CDHR3: variants seen among roughly 807,000 people sequenced by gnomAD.
The protein encoded by CDHR3 is cadherin related family member 3.
CDHR3 carries 79 observed loss-of-function variants against 86.6 expected under a neutral mutation model. That is an observed-to-expected ratio of 0.91 (90% CI 0.76 to 1.10). The LOEUF (loss-of-function observed/expected upper bound fraction) is 1.10. CDHR3 is among the 50% of genes least tolerant of loss of function. CDHR3 has a pLI of 0.00. For missense variants in CDHR3, 1,081 were observed against 1,077.6 expected, an observed-to-expected ratio of 1.00 and a Z score of -0.04; for synonymous variants, 421 against 402.4, an observed-to-expected ratio of 1.05 and a Z score of -0.55.
intron 7 of CDHR3, 45 bp downstream of exon 7, chr7:106,001,655 C>T (rs766830263): frequency 3.1e-6 from 5 of 1,607,386 alleles, no homozygotes; most frequent in Non-Finnish European, 3.4e-6. Flanking sequence ...CTAATTCAGC[C>T]ATGTGGATTG....
At chr7:105,989,890 C>T (rs1299832421) in intron 4 of CDHR3, among the ~76,000 whole-genome samples, 1 of 152,186 alleles carries the variant, frequency 6.6e-6, no homozygotes, top group Non-Finnish European at 1.5e-5. Flanking sequence ...CCACCTGCCC[C>T]AGTCATTCAG....
chr7:106,019,578 G>A (rs1836230939), intron 12 of CDHR3, among the ~76,000 whole-genome samples: 1 of 152,078 alleles, frequency 6.6e-6, no homozygotes, highest in African/African-American at 2.4e-5. Context: ...TCCCTTTCAG[G>A]GCTGACATTC....
intron 1 of CDHR3, among the ~76,000 whole-genome samples, chr7:105,964,566 A>G (rs1034926089): frequency 6.6e-6 from 1 of 151,988 alleles, no homozygotes; most frequent in African/African-American, 2.4e-5. Context: ...TTGGTGTGAG[A>G]GAGAAATGTT....
At chr7:105,963,511 G>A (rs769595837) in intron 1 of CDHR3, 147 bp downstream of exon 1, 54 of 804,444 alleles carry the variant, frequency 6.7e-5, no homozygotes, top group Non-Finnish European at 9.9e-5. Flanking sequence ...AGGTGATGCC[G>A]CTCCAGGGAG....
intron 8 of CDHR3, among the ~76,000 whole-genome samples, chr7:106,008,969 C>T (rs888352161): frequency 2.6e-4 from 40 of 152,260 alleles, no homozygotes; most frequent in African/African-American, 8.4e-4. Flanking sequence ...ATTTGGCTTC[C>T]TGCAGTCCAG....
intron 4 of CDHR3, among the ~76,000 whole-genome samples, chr7:105,989,566 C>T (rs1446013131): frequency 1.3e-5 from 2 of 152,114 alleles, no homozygotes; most frequent in Non-Finnish European, 2.9e-5. Context: ...GGCCATCCTT[C>T]TCTTTCTGTC....
At chr7:105,967,933 T>C (rs1190062870) in intron 1 of CDHR3, among the ~76,000 whole-genome samples, 1 of 152,258 alleles carries the variant, frequency 6.6e-6, no homozygotes, top group East Asian at 1.9e-4. Context: ...GTAGTTTCTT[T>C]TGCTGTGCAG....
At position 105,984,289 on chromosome 7, in the gene CDHR3, T is replaced by G; in HGVS notation, c.513T>G (p.Ser171Arg). Residue 171 changes from serine to arginine, a missense_variant and splice_region_variant, in exon 4 of 19, where the codon AGT becomes AGG. Transcript: ENST00000317716. ...ACACAAGCCGAAACATTCCCCTCAGTGTAAGTGTCCTTATATGGAAGAGGT... is the reference window on the plus strand; with the variant it reads ...ACACAAGCCGAAACATTCCCCTCAGGGTAAGTGTCCTTATATGGAAGAGGT... ...PEDTSRNIPL[S>R]YFLISPPKSF... is the part of the protein sequence containing the mutation. The G allele has an allele frequency of 6.2e-7, 1 of 1,606,390 alleles. No individual in the cohort carries two copies. Among genetic ancestry groups the G allele is most frequent in the Non-Finnish European group, 8.5e-7 (1 of 1,174,652 alleles).
intron 8 of CDHR3, chr7:106,004,911 T>A (rs1833736423): frequency 3.5e-6 from 2 of 567,652 alleles, no homozygotes; most frequent in Non-Finnish European, 6.1e-6. Flanking sequence ...CTTGTTCACT[T>A]TCTTACTCTT....
chr7:105,978,436 C>T (rs555892857), intron 2 of CDHR3, among the ~76,000 whole-genome samples: 2 of 152,262 alleles, frequency 1.3e-5, no homozygotes, highest in African/African-American at 4.8e-5. Flanking sequence ...CAAATGTGCT[C>T]GGCCTTATCC....
At chr7:105,985,715 G>T (rs1830427251) in intron 4 of CDHR3, among the ~76,000 whole-genome samples, 1 of 151,740 alleles carries the variant, frequency 6.6e-6, no homozygotes, top group South Asian at 2.1e-4. Flanking sequence ...GTTAATATTT[G>T]CATGAATAAA....
chr7:106,025,267 G>A (rs1837188277), intron 15 of CDHR3, among the ~76,000 whole-genome samples: 1 of 152,182 alleles, frequency 6.6e-6, no homozygotes, highest in Admixed American at 6.5e-5. Flanking sequence ...TTACAGCTTA[G>A]ATGGTTCTGA....
chr7:105,977,343 A>G (rs1248550034), intron 2 of CDHR3, among the ~76,000 whole-genome samples: 1 of 152,166 alleles, frequency 6.6e-6, no homozygotes, highest in African/African-American at 2.4e-5. Flanking sequence ...TCTTTCTTCA[A>G]GGGACCTGCT....
In CDHR3 at chr7:106,015,978, T is replaced by C; in HGVS notation, c.1379T>C (p.Ile460Thr). Residue 460 changes from isoleucine (I) to threonine (T), a missense_variant, in exon 11 of 19, where the codon ATT becomes ACT. Transcript: ENST00000317716. ...LTSPENEFPL[I>T]FDRPSYVFDV... ...AGCCCAGAAAATGAGTTTCCTCTCA[T>C]TTTTGATAGGCCATCCTATGTATTT... The C allele has an allele frequency of 6.2e-7, 1 of 1,613,244 alleles. No individual in the cohort carries two copies. Among genetic ancestry groups the C allele is most frequent in the Non-Finnish European group, 8.5e-7 (1 of 1,179,504 alleles).
chr7:105,975,180 T>A, intron 2 of CDHR3, 134 bp downstream of exon 2: 1 of 777,668 alleles, frequency 1.3e-6, no homozygotes, highest in Non-Finnish European at 2.2e-6. Flanking sequence ...CCAGGAGTCC[T>A]GTCTGAGGCA....
At chr7:106,012,498 A>G (rs1834967360) in intron 8 of CDHR3, among the ~76,000 whole-genome samples, 1 of 152,158 alleles carries the variant, frequency 6.6e-6, no homozygotes, top group African/African-American at 2.4e-5. Flanking sequence ...GCAGGAGGAG[A>G]GTGAACAAGG....
chr7:106,012,813 C>G (rs779974734), intron 8 of CDHR3, 47 bp from the exon 9 acceptor site: 2 of 1,547,190 alleles, frequency 1.3e-6, no homozygotes, highest in Admixed American at 1.9e-5. Flanking sequence ...AAGGAACAGT[C>G]GATTACCATT....
At chr7:105,986,310 C>T (rs1053991041) in intron 4 of CDHR3, among the ~76,000 whole-genome samples, 1 of 152,180 alleles carries the variant, frequency 6.6e-6, no homozygotes, top group Non-Finnish European at 1.5e-5. Flanking sequence ...ATATTTAGTT[C>T]ATTTCAACAT....
Position 105,974,896 on chromosome 7 carries a change from G to A in CDHR3, c.99G>A (p.Glu33=). The A allele has an allele frequency of 6.2e-7, 1 of 1,613,886 alleles. No homozygotes were observed. The highest frequency in any genetic ancestry group is 1.3e-5 in the African/African-American group (1 of 75,054). ...ILLPATGNVA[E]NSPPGTSVHK... Reference sequence around the variant, plus strand: ...TACCTGCTACAGGCAATGTGGCAGAGAATTCTCCACCTGGGACTTCAGTGC... The same window carrying A: ...TACCTGCTACAGGCAATGTGGCAGAAAATTCTCCACCTGGGACTTCAGTGC... Residue 33 remains glutamate (E), a synonymous_variant, in exon 2 of 19, where the codon GAG becomes GAA. Coordinates refer to ENST00000317716, the MANE Select transcript of CDHR3 (RefSeq NM_152750.5).
Sources: gnomAD v4.1 joint callset for allele counts (sites outside exome capture counted in the v4.1 genomes callset) on GRCh38, gnomAD v4.1.1 for gene constraint, MANE v1.5 for transcripts, NCBI Gene and HGNC (gene_info 2026-07-23, HGNC 2026-07-21) for gene names.